DOCK1: variants seen among roughly 807,000 people sequenced by gnomAD.
DOCK1 encodes the protein dedicator of cytokinesis 1, also known as dedicator of cytokinesis protein 1.
DOCK1 carries 138 observed loss-of-function variants against 262.7 expected under a neutral mutation model. The observed-to-expected ratio is 0.53, with a 90% CI of 0.46 to 0.61. The LOEUF (loss-of-function observed/expected upper bound fraction) is 0.61. Among genes scored for constraint, DOCK1 ranks in the 20% least tolerant of loss-of-function variants. DOCK1 has a pLI of 0.00. For missense variants in DOCK1, 1,908 were observed against 2,370.7 expected (o/e 0.80, Z 4.05); for synonymous variants, 866 against 867.4 (o/e 1.00, Z 0.03).
Position 127,451,298 on chromosome 10 carries a change from T to TA in DOCK1, c.5566-33dup, listed in dbSNP as rs753348320. On this transcript the variant is annotated intron_variant, in intron 51 of 51. Transcript: ENST00000623213. ...GTGTCTTTTCTGTCAGGACATCAGTTATGTGACATCTTCCCCATCCTCATG... is the reference window on the plus strand; with the variant it reads ...GTGTCTTTTCTGTCAGGACATCAGTTAATGTGACATCTTCCCCATCCTCATG... 8 of 1,563,646 alleles carry TA rather than the reference T, an allele frequency of 5.1e-6. No individual in the cohort carries two copies. In the South Asian group the frequency reaches 7.1e-5, roughly 14 times the overall value.
chr10:127,011,267 T>C (rs2041418199), intron 11 of DOCK1, among the ~76,000 whole-genome samples: 1 of 152,224 alleles, frequency 6.6e-6, no homozygotes, highest in Admixed American at 6.5e-5. Context: ...AATGTCGTGC[T>C]AATGAAACCA....
chr10:127,422,734 T>C (rs975021192), intron 46 of DOCK1, among the ~76,000 whole-genome samples: 1 of 152,226 alleles, frequency 6.6e-6, no homozygotes, highest in Non-Finnish European at 1.5e-5. Flanking sequence ...AGTTTAAAAT[T>C]GTGAATGATT....
chr10:127,334,196 G>A (rs559150200), intron 29 of DOCK1, among the ~76,000 whole-genome samples: 32 of 152,144 alleles, frequency 2.1e-4, no homozygotes, highest in African/African-American at 6.7e-4. Flanking sequence ...GTTGAACAAC[G>A]TTCCGAAGGT....
chr10:127,260,933 G>A (rs1407900885), intron 29 of DOCK1, among the ~76,000 whole-genome samples: 3 of 145,176 alleles, frequency 2.1e-5, no homozygotes, highest in African/African-American at 7.8e-5. Context: ...GTGGGTGTGT[G>A]TGTGTACCCG....
intron 1 of DOCK1, among the ~76,000 whole-genome samples, chr10:126,956,543 C>T (rs1309350866): frequency 3.3e-5 from 5 of 152,142 alleles, no homozygotes; most frequent in Admixed American, 6.5e-5. Flanking sequence ...TCCTTGCTCC[C>T]CGCCCACGTG....
chr10:126,913,008 AAGCCCATGG>A (rs2032035789), intron 1 of DOCK1, among the ~76,000 whole-genome samples: 1 of 148,510 alleles, frequency 6.7e-6, no homozygotes, highest in Non-Finnish European at 1.5e-5. Flanking sequence ...TTTTTCCTGC[AAGCCCATGG>A]GTCCCTGGTG....
rs2055037269 is a variant in DOCK1 at position 127,175,659 on chromosome 10, C to T, written c.2847+47895C>T. On this transcript the variant is annotated intron_variant, in intron 27 of 51. Transcript: ENST00000623213. The surrounding 1 kb of genome is among the most constrained non-coding windows in gnomAD (Gnocchi z 6.3). Reference sequence around the variant, plus strand: ...GGCAACCTCCGTTTTAAACACCCTCCTGAGGGCAGGTGGAGCGGGCTCCTC... The same window carrying T: ...GGCAACCTCCGTTTTAAACACCCTCTTGAGGGCAGGTGGAGCGGGCTCCTC... 1 of 1,613,506 alleles carries T rather than the reference C, an allele frequency of 6.2e-7. No homozygotes were observed. The highest frequency in any genetic ancestry group is 2.2e-5 in the East Asian group (1 of 44,876).
chr10:126,997,655 A>G (rs1441542664), intron 7 of DOCK1, among the ~76,000 whole-genome samples: 2 of 152,186 alleles, frequency 1.3e-5, no homozygotes, highest in African/African-American at 4.8e-5. Context: ...ACACACACAC[A>G]GTAGATACTC....
intron 19 of DOCK1, 54 bp from the exon 20 acceptor site, chr10:127,042,571 G>A (rs2044089291): frequency 6.8e-7 from 1 of 1,473,546 alleles, no homozygotes; most frequent in Non-Finnish European, 9.5e-7. Context: ...ATTCCAGTGT[G>A]TGGGGGAAGT....
chr10:127,313,263 C>T (rs1220029372), intron 29 of DOCK1, among the ~76,000 whole-genome samples: 1 of 152,196 alleles, frequency 6.6e-6, no homozygotes, highest in East Asian at 1.9e-4. Context: ...GATGCAATCA[C>T]TCTCAATAGC....
At chr10:127,240,038 G>A (rs946058657) in intron 27 of DOCK1, among the ~76,000 whole-genome samples, 4 of 151,978 alleles carry the variant, frequency 2.6e-5, no homozygotes, top group Non-Finnish European at 4.4e-5. Context: ...TGGTATATTT[G>A]TCCAATAAAC....
intron 40 of DOCK1, among the ~76,000 whole-genome samples, chr10:127,404,635 C>T (rs142095413): frequency 3.1e-3 from 465 of 152,110 alleles, no homozygotes; most frequent in African/African-American, 0.011. Flanking sequence ...CTGATTTTTC[C>T]GTAAAAGGAC....
At chr10:127,434,904 G>A (rs528780924) in intron 48 of DOCK1, among the ~76,000 whole-genome samples, 16 of 152,068 alleles carry the variant, frequency 1.1e-4, no homozygotes, top group Admixed American at 9.8e-4. Flanking sequence ...CGCCCGCCTC[G>A]GCCTCCCAAA....
At chr10:127,211,665 A>T (rs1425179270) in intron 27 of DOCK1, among the ~76,000 whole-genome samples, 1 of 152,228 alleles carries the variant, frequency 6.6e-6, no homozygotes, top group East Asian at 1.9e-4. Flanking sequence ...CCAAATAAGA[A>T]AAATTCAGAC....
intron 1 of DOCK1, among the ~76,000 whole-genome samples, chr10:126,919,804 G>A (rs1271817220): frequency 3.9e-5 from 6 of 152,216 alleles, no homozygotes. Context: ...CGAGGGTGAG[G>A]CCTTAATCCT....
At chr10:127,331,946 T>G (rs1422725352) in intron 29 of DOCK1, among the ~76,000 whole-genome samples, 1 of 152,106 alleles carries the variant, frequency 6.6e-6, no homozygotes, top group Non-Finnish European at 1.5e-5. Flanking sequence ...ACTTAGGGGG[T>G]GCTCACCAAA....
chr10:127,151,649 T>C (rs1397616332), intron 27 of DOCK1, among the ~76,000 whole-genome samples: 1 of 152,194 alleles, frequency 6.6e-6, no homozygotes, highest in African/African-American at 2.4e-5. Context: ...TAAAATCACA[T>C]CTGCAGTAAA....
At chr10:126,964,328 G>C (rs1227099608) in intron 1 of DOCK1, among the ~76,000 whole-genome samples, 1 of 152,216 alleles carries the variant, frequency 6.6e-6, no homozygotes, top group Non-Finnish European at 1.5e-5. Flanking sequence ...CCAGCTCAGT[G>C]TGGACCAGCG....
At chr10:126,978,742 T>G (rs541681591) in intron 3 of DOCK1, among the ~76,000 whole-genome samples, 1 of 152,338 alleles carries the variant, frequency 6.6e-6, no homozygotes, top group East Asian at 1.9e-4. Context: ...GTTTGACGGA[T>G]GGTTCATTTT....
Sources: allele counts gnomAD v4.1 joint callset (sites outside exome capture counted in the v4.1 genomes callset), GRCh38; gene constraint gnomAD v4.1.1; non-coding constraint Gnocchi (gnomAD v3.1); transcripts MANE v1.5; gene names NCBI Gene and HGNC (gene_info 2026-07-23, HGNC 2026-07-21).